The following IGF2BP2 variants were observed in gnomAD, a reference collection of about 807,000 sequenced individuals.
IGF2BP2 encodes insulin like growth factor 2 mRNA binding protein 2.
A neutral mutation model predicts 75.8 loss-of-function variants in IGF2BP2; 17 were observed. The observed-to-expected ratio is 0.22, with a 90% CI of 0.15 to 0.34. The LOEUF (loss-of-function observed/expected upper bound fraction) is 0.34, where lower values mean the gene tolerates loss of function less well. IGF2BP2 is among the 10% of genes least tolerant of loss of function. The pLI is 1.00. For synonymous variants in IGF2BP2, 288 were observed against 295.6 expected, an observed-to-expected ratio of 0.97 and a Z score of 0.26; for missense variants, 516 against 772.4, an observed-to-expected ratio of 0.67 and a Z score of 3.93.
chr3:185,684,356 C>T (rs1720809498), intron 7 of IGF2BP2, among the ~76,000 whole-genome samples: 1 of 152,064 alleles, frequency 6.6e-6, no homozygotes. Flanking sequence ...CCTTCAGTTA[C>T]ATGTCATCAT....
At chr3:185,761,321 A>C (rs1732332756) in intron 2 of IGF2BP2, among the ~76,000 whole-genome samples, 1 of 152,224 alleles carries the variant, frequency 6.6e-6, no homozygotes, top group Non-Finnish European at 1.5e-5. Flanking sequence ...AGTTTAGAGA[A>C]CTAAACGTAA....
intron 2 of IGF2BP2, among the ~76,000 whole-genome samples, chr3:185,808,320 CA>C (rs35188816): frequency 0.45 from 67,088 of 148,826 alleles, 17,994 homozygotes; most frequent in African/African-American, 0.77. Context: ...ACTAAAAATA[CA>C]AAAAAAAAAT....
intron 2 of IGF2BP2, among the ~76,000 whole-genome samples, chr3:185,796,406 T>C (rs919006663): frequency 6.6e-6 from 1 of 151,044 alleles, no homozygotes; most frequent in Admixed American, 6.6e-5. Context: ...CCACTGAAAA[T>C]ACAAAAATTA....
At chr3:185,700,371 T>C (rs546722084) in intron 2 of IGF2BP2, among the ~76,000 whole-genome samples, 3 of 152,178 alleles carry the variant, frequency 2.0e-5, no homozygotes, top group Non-Finnish European at 4.4e-5. Flanking sequence ...TTTTTAAATA[T>C]TAATGTATTC....
At chr3:185,718,381 G>GT (rs1725973778) in intron 2 of IGF2BP2, among the ~76,000 whole-genome samples, 1 of 152,166 alleles carries the variant, frequency 6.6e-6, no homozygotes, top group Non-Finnish European at 1.5e-5. Flanking sequence ...GGCTAAAGCA[G>GT]TAACTCTATC....
intron 2 of IGF2BP2, among the ~76,000 whole-genome samples, chr3:185,806,340 A>G (rs1286439475): frequency 6.6e-6 from 1 of 152,210 alleles, no homozygotes; most frequent in Non-Finnish European, 1.5e-5. Flanking sequence ...TAGACTATAT[A>G]GAAAATTATA....
At chr3:185,773,350 C>T (rs1282799248) in intron 2 of IGF2BP2, among the ~76,000 whole-genome samples, 1 of 152,142 alleles carries the variant, frequency 6.6e-6, no homozygotes, top group Admixed American at 6.5e-5. Flanking sequence ...TTGGCTAAGA[C>T]AGAATGATCT....
chr3:185,747,737 G>T (rs934379137), intron 2 of IGF2BP2, among the ~76,000 whole-genome samples: 3 of 151,918 alleles, frequency 2.0e-5, no homozygotes, highest in Non-Finnish European at 4.4e-5. Flanking sequence ...TATGAACAAT[G>T]ACTATTTGGT....
At chr3:185,707,463 C>T (rs1207393043) in intron 2 of IGF2BP2, among the ~76,000 whole-genome samples, 1 of 151,706 alleles carries the variant, frequency 6.6e-6, no homozygotes, top group African/African-American at 2.4e-5. Context: ...CGCCCACTAC[C>T]ATGCCCGGCT....
rs897407074 is a variant in IGF2BP2 at position 185,667,694 on chromosome 3, T to C, written c.1200+4847A>G. On this transcript the variant is annotated intron_variant, in intron 10 of 15. Coordinates refer to ENST00000382199, the MANE Select transcript of IGF2BP2 (RefSeq NM_006548.6). ...ATACCCTTTGACATAATAATTCCAG[T>C]CTTAGAGAATTTACTTACAGATATA... 1.3e-5 allele frequency among the ~76,000 whole-genome samples: 2 copies of C among 152,204 alleles called. 1 individual carries two copies. The highest frequency in any genetic ancestry group is 1.3e-4 in the Admixed American group (2 of 15,276).
At chr3:185,816,849 A>G (rs1740682468) in intron 2 of IGF2BP2, among the ~76,000 whole-genome samples, 1 of 152,256 alleles carries the variant, frequency 6.6e-6, no homozygotes, top group African/African-American at 2.4e-5. Context: ...TTAAATATCA[A>G]TACATGAAAT....
chr3:185,667,670 T>C (rs1560256790), intron 10 of IGF2BP2, among the ~76,000 whole-genome samples: 1 of 152,236 alleles, frequency 6.6e-6, no homozygotes, highest in Non-Finnish European at 1.5e-5. Context: ...AAAATGCATA[T>C]ACCCTTTGAC....
intron 2 of IGF2BP2, among the ~76,000 whole-genome samples, chr3:185,758,110 G>A (rs1731882345): frequency 6.6e-6 from 1 of 152,210 alleles, no homozygotes; most frequent in East Asian, 1.9e-4. Flanking sequence ...ACAGGACAAG[G>A]TGTACTTCTG....
intron 2 of IGF2BP2, chr3:185,821,262 T>G (rs1741339507): frequency 1.4e-6 from 1 of 730,350 alleles, no homozygotes; most frequent in South Asian, 2.7e-5. Context: ...TGTTAAACAT[T>G]TTCAGTGTAG....
intron 2 of IGF2BP2, among the ~76,000 whole-genome samples, chr3:185,811,687 C>G (rs1578390708): frequency 6.6e-6 from 1 of 152,256 alleles, no homozygotes; most frequent in Middle Eastern, 3.4e-3. Flanking sequence ...CATCATCTAC[C>G]CCTGTAAACA....
At position 185,647,189 on chromosome 3, in the gene IGF2BP2, G is replaced by A. The variant is rs369156049; in HGVS notation, c.1594-51C>T. The A allele has an allele frequency of 1.3e-5, 17 of 1,330,696 alleles. No homozygotes were observed. The highest frequency in any genetic ancestry group is 1.7e-5 in the Admixed American group (1 of 59,674). The allele number at this position is 1,330,696 out of a possible 1,614,324, so 82.4% of individuals were successfully genotyped here. On this transcript the variant is annotated intron_variant, in intron 14 of 15. Transcript: ENST00000382199. The surrounding 1 kb of genome is among the most constrained non-coding windows in gnomAD (Gnocchi z 4.9). Reference sequence around the variant, plus strand: ...TTGGATAGGTTCCCTCCCCGTCAACGTGGTGGGCTCAGGACGGAGTGAGGG... The same window carrying A: ...TTGGATAGGTTCCCTCCCCGTCAACATGGTGGGCTCAGGACGGAGTGAGGG...
At chr3:185,653,758 A>T (rs915186132) in intron 12 of IGF2BP2, among the ~76,000 whole-genome samples, 14 of 152,216 alleles carry the variant, frequency 9.2e-5, no homozygotes, top group Non-Finnish European at 2.1e-4. Flanking sequence ...CTAAGAGCAA[A>T]TACGAAACAA....
intron 2 of IGF2BP2, among the ~76,000 whole-genome samples, chr3:185,801,152 C>T (rs1402616779): frequency 5.9e-5 from 9 of 152,066 alleles, no homozygotes; most frequent in Non-Finnish European, 1.3e-4. Flanking sequence ...ATCAAAACCA[C>T]AATGAGATAC....
At chr3:185,770,274 T>C (rs2149744573) in intron 2 of IGF2BP2, among the ~76,000 whole-genome samples, 1 of 152,288 alleles carries the variant, frequency 6.6e-6, no homozygotes, top group East Asian at 1.9e-4. Context: ...GACTCAGGAC[T>C]GGTCGAGCAG....
Sources: allele counts gnomAD v4.1 joint callset (sites outside exome capture counted in the v4.1 genomes callset), GRCh38; gene constraint gnomAD v4.1.1; non-coding constraint Gnocchi (gnomAD v3.1); transcripts MANE v1.5; gene names NCBI Gene and HGNC (gene_info 2026-07-23, HGNC 2026-07-21).